Variants in TIAM1 observed in about 807,000 individuals in gnomAD.
The protein encoded by TIAM1 is TIAM Rac1 associated GEF 1, also known as rho guanine nucleotide exchange factor TIAM1.
In TIAM1, 65 loss-of-function variants were observed where a neutral mutation model predicts 163.5. That is an observed-to-expected ratio of 0.40 (90% CI 0.33 to 0.49). The LOEUF is 0.49. Ranked by LOEUF, TIAM1 falls within the 20% of genes least tolerant of loss-of-function variation. TIAM1 has a pLI of 0.77. For missense variants in TIAM1, 1,789 were observed against 2,044.7 expected (o/e 0.87, Z 2.41); for synonymous variants, 833 against 810.1 (o/e 1.03, Z -0.48).
intron 1 of TIAM1, among the ~76,000 whole-genome samples, chr21:31,555,464 A>C (rs922561577): frequency 5.9e-5 from 9 of 152,144 alleles, no homozygotes; most frequent in African/African-American, 2.2e-4. Context: ...TGTGTTTTTG[A>C]TACAGAAGAC....
chr21:31,497,671 C>T (rs2046711417), intron 1 of TIAM1, among the ~76,000 whole-genome samples: 1 of 152,156 alleles, frequency 6.6e-6, no homozygotes, highest in African/African-American at 2.4e-5. Flanking sequence ...AATAAAATTA[C>T]TTTGAAAATA....
chr21:31,199,360 G>A (rs573394553), intron 12 of TIAM1, among the ~76,000 whole-genome samples: 5 of 152,020 alleles, frequency 3.3e-5, no homozygotes, highest in Admixed American at 3.3e-4. Flanking sequence ...GGTTTCCTAT[G>A]GCACTTAGGC....
Position 31,442,070 on chromosome 21 carries a change from A to AATAAATATATATATATATATATAT in TIAM1, c.-369+21912_-369+21913insATATATATATATATATATATTTAT, listed in dbSNP as rs370046459. 3.6e-4 allele frequency among the ~76,000 whole-genome samples: 19 copies of AATAAATATATATATATATATATAT among 53,222 alleles called. No individual in the cohort carries two copies. In the South Asian group the frequency reaches 4.9e-3, roughly 14 times the overall value. The allele number at this position is 53,222 out of a possible 152,430, so 34.9% of individuals were successfully genotyped here. ...GACCCTATCTCAGAACAAATAAATA[A>AATAAATATATATATATATATATAT]ATATATATATATATATAGAACAATA... On this transcript the variant is annotated intron_variant, in intron 2 of 28. Coordinates refer to the TIAM1 transcript ENST00000286827.
At chr21:31,451,568 T>C (rs576017956) in intron 2 of TIAM1, among the ~76,000 whole-genome samples, 31 of 152,150 alleles carry the variant, frequency 2.0e-4, no homozygotes, top group African/African-American at 7.2e-4. Flanking sequence ...GGAGGGGTAA[T>C]GGGAAATGTG....
intron 2 of TIAM1, among the ~76,000 whole-genome samples, chr21:31,447,743 T>A (rs2044680179): frequency 6.6e-6 from 1 of 152,178 alleles, no homozygotes; most frequent in Non-Finnish European, 1.5e-5. Context: ...GTGCTTGTAC[T>A]AGTCAGGGTT....
chr21:31,172,380 A>G (rs554573692), intron 15 of TIAM1, among the ~76,000 whole-genome samples: 1 of 152,148 alleles, frequency 6.6e-6, no homozygotes, highest in Admixed American at 6.5e-5. Context: ...TCACAATAGT[A>G]GTAGGTGAGC....
intron 2 of TIAM1, among the ~76,000 whole-genome samples, chr21:31,433,005 CAT>C (rs1386251153): frequency 1.3e-5 from 2 of 152,176 alleles, no homozygotes; most frequent in Non-Finnish European, 2.9e-5. Flanking sequence ...GCAAGGGAAA[CAT>C]GTAACAAATT....
chr21:31,410,086 A>AGT (rs201591169), intron 2 of TIAM1, among the ~76,000 whole-genome samples: 557 of 138,712 alleles, frequency 4.0e-3, no homozygotes, highest in South Asian at 8.2e-3. Flanking sequence ...AGGGCGTAGC[A>AGT]GTGTGTGTGT....
intron 5 of TIAM1, among the ~76,000 whole-genome samples, chr21:31,251,126 A>G (rs74492704): frequency 0.022 from 3,306 of 152,314 alleles, 97 homozygotes; most frequent in African/African-American, 0.067. Context: ...AGTCACTTTG[A>G]AAGACAAAAA....
chr21:31,447,689 C>A (rs566940956), intron 2 of TIAM1, among the ~76,000 whole-genome samples: 2 of 152,138 alleles, frequency 1.3e-5, no homozygotes, highest in Non-Finnish European at 2.9e-5. Flanking sequence ...GGTCAGATGC[C>A]TGCTGGCCTG....
rs1475974207 is a variant in TIAM1, at chr21:31,210,172, G to A, written c.2261C>T (p.Pro754Leu). Residue 754 changes from proline to leucine, a missense_variant, in exon 11 of 28, where the codon CCT becomes CTT. Physicochemically the swap from Pro to Leu is moderately conservative, Grantham distance 98. Transcript: ENST00000541036. ...CTCGTGGACCCAAATGTCGCAGTCA[G>A]GGTTGTGCTGGTGAACGTTAGGTAA... ...VVLPNVHQHNPDCDIWVHEYF... is the reference protein window; with the variant it reads ...VVLPNVHQHNLDCDIWVHEYF... 1 of 1,614,132 alleles carries A rather than the reference G, an allele frequency of 6.2e-7. No homozygotes were observed. Among genetic ancestry groups the A allele is most frequent in the Non-Finnish European group, 8.5e-7 (1 of 1,180,034 alleles).
chr21:31,164,901 A>G (rs1040265986), intron 16 of TIAM1, 61 bp downstream of exon 16: 1 of 1,540,410 alleles, frequency 6.5e-7, no homozygotes, highest in Non-Finnish European at 9.0e-7. Context: ...TGTAGGTGAC[A>G]TTGTCAGCTG....
At chr21:31,344,792 C>T (rs1602056583), upstream of TIAM1, among the ~76,000 whole-genome samples, 1 of 152,190 alleles carries the variant, frequency 6.6e-6, no homozygotes, top group African/African-American at 2.4e-5. Context: ...TGAACACCCA[C>T]GTGCCCACCA....
intron 1 of TIAM1, among the ~76,000 whole-genome samples, chr21:31,517,307 G>C (rs1172746628): frequency 1.3e-5 from 2 of 152,106 alleles, no homozygotes; most frequent in East Asian, 3.9e-4. Context: ...GCCAGAACAG[G>C]AGAATCACTT....
chr21:31,175,976 C>T (rs564888753), intron 15 of TIAM1, among the ~76,000 whole-genome samples: 6 of 152,284 alleles, frequency 3.9e-5, no homozygotes, highest in African/African-American at 1.4e-4. Context: ...TGCAACATTT[C>T]CCTAAAAGGG....
intron 15 of TIAM1, among the ~76,000 whole-genome samples, chr21:31,178,558 G>A (rs1434447183): frequency 2.6e-5 from 4 of 151,814 alleles, no homozygotes; most frequent in African/African-American, 4.8e-5. Flanking sequence ...TGCCTGCCTC[G>A]GCCTCCCGAA....
intron 2 of TIAM1, among the ~76,000 whole-genome samples, chr21:31,279,903 C>T (rs1454097028): frequency 6.6e-6 from 1 of 152,112 alleles, no homozygotes; most frequent in Non-Finnish European, 1.5e-5. Context: ...AATTGAATGA[C>T]ATCAGTCACC....
intron 11 of TIAM1, among the ~76,000 whole-genome samples, chr21:31,206,631 C>T (rs1009005973): frequency 3.3e-5 from 5 of 152,088 alleles, no homozygotes; most frequent in African/African-American, 1.2e-4. Flanking sequence ...GCAAATTATA[C>T]CCTAAGTATT....
intron 2 of TIAM1, among the ~76,000 whole-genome samples, chr21:31,366,541 T>C (rs1462634909): frequency 2.0e-5 from 3 of 152,198 alleles, no homozygotes; most frequent in Non-Finnish European, 4.4e-5. Context: ...GTGAGCACTA[T>C]GTAGCCATAT....
Sources: allele counts gnomAD v4.1 joint callset (sites outside exome capture counted in the v4.1 genomes callset), GRCh38; gene constraint gnomAD v4.1.1; transcripts MANE v1.5; gene names NCBI Gene and HGNC (gene_info 2026-07-23, HGNC 2026-07-21).